The following CEMIP variants were observed in gnomAD, a reference collection of about 807,000 sequenced individuals.
CEMIP encodes cell migration-inducing and hyaluronan-binding protein.
A neutral mutation model predicts 156.9 loss-of-function variants in CEMIP; 105 were observed. The ratio of observed to expected loss-of-function variants is 0.67; its 90% CI spans 0.57 to 0.79. The LOEUF is 0.79. Among genes scored for constraint, CEMIP ranks in the 30% least tolerant of loss-of-function variants. The probability of loss-of-function intolerance (pLI) is 0.00; values close to 1 mark genes in which losing one functional copy is unlikely to be tolerated. For missense variants in CEMIP, 1,457 were observed against 1,769.4 expected (o/e 0.82, Z 3.17); for synonymous variants, 676 against 668.4 (o/e 1.01, Z -0.17).
intron 1 of CEMIP, among the ~76,000 whole-genome samples, chr15:80,827,608 G>A (rs962490809): frequency 2.6e-5 from 4 of 152,142 alleles, no homozygotes; most frequent in Admixed American, 1.3e-4. Flanking sequence ...GACAGAGCGA[G>A]ACTCTTTTTC....
At chr15:80,933,612 C>T (rs1175242817) in intron 23 of CEMIP, 152 bp downstream of exon 23, 2 of 651,310 alleles carry the variant, frequency 3.1e-6, no homozygotes, top group Non-Finnish European at 5.2e-6. Flanking sequence ...ATTTTTTCCC[C>T]TCACCCAGTA....
chr15:80,797,598 T>C (rs1357108895), intron 1 of CEMIP, among the ~76,000 whole-genome samples: 1 of 152,192 alleles, frequency 6.6e-6, no homozygotes, highest in Non-Finnish European at 1.5e-5. Flanking sequence ...CAATGAAATA[T>C]GAACAAAAGT....
At chr15:80,902,120 T>A (rs1388185261) in intron 12 of CEMIP, among the ~76,000 whole-genome samples, 5 of 152,106 alleles carry the variant, frequency 3.3e-5, no homozygotes, top group African/African-American at 1.2e-4. Flanking sequence ...CATTGGAAGG[T>A]CTTTGATGTT....
intron 19 of CEMIP, among the ~76,000 whole-genome samples, chr15:80,927,584 G>A (rs568472504): frequency 2.0e-4 from 30 of 152,342 alleles, no homozygotes; most frequent in African/African-American, 6.5e-4. Context: ...AAATTGCGAA[G>A]ACCCCTCCTG....
At chr15:80,783,614 C>A (rs1437937152) in intron 1 of CEMIP, among the ~76,000 whole-genome samples, 1 of 152,208 alleles carries the variant, frequency 6.6e-6, no homozygotes, top group Admixed American at 6.5e-5. Context: ...GCCTGAACCT[C>A]CTTTCCCTAA....
Position 80,949,360 on chromosome 15 carries a change from T to C in CEMIP, c.*436T>C, listed in dbSNP as rs1901718421. 3.4e-6 allele frequency: 1 copy of C among 292,996 alleles called. No individual in the cohort carries two copies. The highest frequency in any genetic ancestry group is 6.7e-6 in the Non-Finnish European group (1 of 148,934). The allele number at this position is 292,996 out of a possible 1,614,324, so 18.1% of individuals were successfully genotyped here. A position where few individuals can be genotyped will look rare whatever the true frequency, so the allele number is the denominator to read the frequency against. On this transcript the variant is annotated 3_prime_UTR_variant, in exon 30 of 30. Coordinates refer to ENST00000394685, the MANE Select transcript of CEMIP (RefSeq NM_001293298.2). ...AGCAGACAAGTGAGGGTGGTAAATG[T>C]AGGAGAAAGAGCCTTGGCCTTAAGG...
chr15:80,915,739 G>C (rs1318437976), intron 14 of CEMIP, among the ~76,000 whole-genome samples: 1 of 152,034 alleles, frequency 6.6e-6, no homozygotes, highest in Non-Finnish European at 1.5e-5. Context: ...ACCTCTCCTG[G>C]GCTGCCTTAG....
chr15:80,832,322 CTGTGTGTGTGTGTG>C (rs58855328), intron 1 of CEMIP, among the ~76,000 whole-genome samples: 2 of 127,996 alleles, frequency 1.6e-5, no homozygotes, highest in African/African-American at 6.0e-5. Flanking sequence ...AAAATAAACT[CTGTGTGTGTGTGTG>C]TGTGTGTGTG....
intron 12 of CEMIP, among the ~76,000 whole-genome samples, chr15:80,905,895 C>T (rs1234804180): frequency 6.6e-6 from 1 of 152,094 alleles, no homozygotes; most frequent in Non-Finnish European, 1.5e-5. Flanking sequence ...GAGCTCAGTA[C>T]AGAGTTGGGT....
Position 80,815,176 on chromosome 15 carries a change from C to T in CEMIP, c.-176+35562C>T, listed in dbSNP as rs377609662. ...GCCACTGGCCAGGATGCTGGGAGAACGGCATTCTTATCCTAACTCCGTCAC... is the reference window on the plus strand; with the variant it reads ...GCCACTGGCCAGGATGCTGGGAGAATGGCATTCTTATCCTAACTCCGTCAC... On this transcript the variant is annotated intron_variant, in intron 1 of 29. Transcript: ENST00000394685. Among the ~76,000 whole-genome samples the T allele has an allele frequency of 2.0e-4, 30 of 152,366 alleles. 2 individuals are homozygous for T. The highest frequency in any genetic ancestry group is 4.3e-4 in the African/African-American group (18 of 41,590).
chr15:80,896,744 T>C (rs1899241100), intron 12 of CEMIP, among the ~76,000 whole-genome samples: 1 of 152,228 alleles, frequency 6.6e-6, no homozygotes. Flanking sequence ...TAGAGTTCTT[T>C]GGCTGTTAGC....
intron 1 of CEMIP, among the ~76,000 whole-genome samples, chr15:80,780,813 G>A (rs1422782743): frequency 6.6e-6 from 1 of 152,146 alleles, no homozygotes; most frequent in African/African-American, 2.4e-5. Flanking sequence ...TCCTCCACTC[G>A]GGGTCTGTGG....
intron 1 of CEMIP, among the ~76,000 whole-genome samples, chr15:80,826,706 G>C (rs762491850): frequency 6.6e-6 from 1 of 152,144 alleles, no homozygotes; most frequent in Non-Finnish European, 1.5e-5. Context: ...ACAGTCATAG[G>C]CAAAATTTGG....
intron 1 of CEMIP, among the ~76,000 whole-genome samples, chr15:80,806,472 G>A (rs914963409): frequency 3.9e-5 from 6 of 152,184 alleles, no homozygotes; most frequent in Admixed American, 3.3e-4. Context: ...AATATGGGAT[G>A]ACCCAAGAGA....
In CEMIP at chr15:80,943,042, A is replaced by C; in HGVS notation, c.3797A>C (p.Asn1266Thr). 1 of 1,614,124 alleles carries C rather than the reference A, an allele frequency of 6.2e-7. No homozygotes were observed. Among genetic ancestry groups the C allele is most frequent in the Non-Finnish European group, 8.5e-7 (1 of 1,180,012 alleles). Residue 1266 changes from asparagine to threonine, a missense_variant, in exon 28 of 30, where the codon AAC becomes ACC. This residue lies in a region of CEMIP where 798 missense variants were observed against 980.1 expected (regional missense o/e 0.81). Transcript: ENST00000394685. ...GTGGTGAGCCACACGAGCTTCAGGA[A>C]CTCCATTCTGCAAGGCATACCATGG... ...GRVVSHTSFR[N>T]SILQGIPWQL...
intron 11 of CEMIP, 105 bp from the exon 12 acceptor site, chr15:80,895,762 CAA>C: frequency 3.9e-6 from 4 of 1,026,230 alleles, no homozygotes; most frequent in Non-Finnish European, 6.0e-6. Flanking sequence ...TTTGGATAGG[CAA>C]ACCTGGCATT....
chr15:80,819,509 T>G (rs934011552), intron 1 of CEMIP, among the ~76,000 whole-genome samples: 1 of 152,230 alleles, frequency 6.6e-6, no homozygotes, highest in African/African-American at 2.4e-5. Context: ...GTCTTGATCA[T>G]GACAGGATGT....
intron 1 of CEMIP, among the ~76,000 whole-genome samples, chr15:80,867,606 C>A (rs1250105626): frequency 1.3e-5 from 2 of 152,208 alleles, no homozygotes; most frequent in South Asian, 2.1e-4. Flanking sequence ...CCCCAAACAT[C>A]CTGTCTAAGG....
intron 12 of CEMIP, chr15:80,897,356 T>A (rs1432942462): frequency 4.4e-6 from 2 of 455,988 alleles, no homozygotes; most frequent in Non-Finnish European, 8.8e-6. Flanking sequence ...AGGCAAAGTT[T>A]AAAAAATCTG....
Sources: allele counts gnomAD v4.1 joint callset (sites outside exome capture counted in the v4.1 genomes callset), GRCh38; gene constraint gnomAD v4.1.1; regional missense constraint gnomAD v4.1.1; transcripts MANE v1.5; gene names NCBI Gene and HGNC (gene_info 2026-07-23, HGNC 2026-07-21).